Variants in BCAS1 observed in about 807,000 individuals in gnomAD.
The protein encoded by BCAS1 is brain enriched myelin associated protein 1.
A neutral mutation model predicts 65.4 loss-of-function variants in BCAS1; 46 were observed. That is an observed-to-expected ratio of 0.70 (90% CI 0.55 to 0.90). BCAS1 has a LOEUF of 0.90. Ranked by LOEUF, BCAS1 falls within the 40% of genes least tolerant of loss-of-function variation. The probability of loss-of-function intolerance (pLI) is 0.00; values close to 1 mark genes in which losing one functional copy is unlikely to be tolerated. For synonymous variants in BCAS1, 298 were observed against 293.5 expected, an observed-to-expected ratio of 1.02 and a Z score of -0.16; for missense variants, 793 against 771.2, an observed-to-expected ratio of 1.03 and a Z score of -0.33.
chr20:54,045,069 A>C (rs537897207), intron 3 of BCAS1, among the ~76,000 whole-genome samples: 1 of 151,912 alleles, frequency 6.6e-6, no homozygotes, highest in African/African-American at 2.4e-5. Context: ...AAAATTAGCC[A>C]GGTGTGGTGG....
Position 53,981,286 on chromosome 20 carries a change from C to T in BCAS1, c.1275+4001G>A, listed in dbSNP as rs1386962551. Among the ~76,000 whole-genome samples the T allele has an allele frequency of 4.6e-5, 7 of 152,244 alleles. No individual in the cohort carries two copies. In the South Asian group the frequency reaches 1.5e-3, roughly 32 times the overall value. ...CATCTTTCAAGTGCTTCCATAATTG[C>T]CCAGACATATGCCCAGACTTTCTTA... On this transcript the variant is annotated intron_variant, in intron 8 of 12. Transcript: ENST00000688948.
intron 7 of BCAS1, among the ~76,000 whole-genome samples, chr20:53,985,778 C>A (rs915038888): frequency 2.0e-5 from 3 of 151,854 alleles, no homozygotes; most frequent in Non-Finnish European, 4.4e-5. Flanking sequence ...GGTAAGAGAC[C>A]CTTTGCTGTT....
At chr20:54,038,544 G>C (rs2091937052) in intron 3 of BCAS1, among the ~76,000 whole-genome samples, 1 of 151,320 alleles carries the variant, frequency 6.6e-6, no homozygotes. Flanking sequence ...GATTGTAACT[G>C]TAGTAGGGCA....
chr20:54,058,290 C>A, intron 2 of BCAS1, 136 bp from the exon 3 acceptor site: 3 of 820,472 alleles, frequency 3.7e-6, no homozygotes, highest in South Asian at 1.6e-5. Flanking sequence ...TAGAAACTCC[C>A]CAGTTTTCTA....
In BCAS1 at chr20:54,028,407, A is replaced by G; in HGVS notation, c.708T>C (p.Asp236=). ...EVPGLSGQSD[D]VPAGKDIVDG... ...GCACACTTACCTTCCCTGCAGGGAC[A>G]TCATCGGACTGCCCTGATAAGCCAG... Residue 236 remains aspartate (D), a synonymous_variant, in exon 4 of 13, where the codon GAT becomes GAC. Coordinates refer to ENST00000688948, the MANE Select transcript of BCAS1 (RefSeq NM_001366298.2). 6.2e-7 allele frequency: 1 copy of G among 1,614,220 alleles called. No homozygotes were observed. The highest frequency in any genetic ancestry group is 2.2e-5 in the East Asian group (1 of 44,890).
intron 10 of BCAS1, among the ~76,000 whole-genome samples, chr20:53,961,880 C>T (rs1353232806): frequency 6.6e-6 from 1 of 152,196 alleles, no homozygotes. Context: ...GTCCTTATGT[C>T]CATCATGGGG....
rs191099916 is a variant in BCAS1, at chr20:53,996,363, C to T, written c.724-313G>A. Among the ~76,000 whole-genome samples, 52 of 149,852 alleles carry T rather than the reference C, an allele frequency of 3.5e-4. 1 individual carries two copies. The East Asian group carries it at 8.7e-3, about 25-fold the overall frequency. ...TCTGCAAAGAAGTTGTGTAAGGTAT[C>T]GATATTTTCCATCTTTATAGTCTCC... is the stretch of plus-strand genomic sequence containing the variant. On this transcript the variant is annotated intron_variant, in intron 4 of 12. Coordinates refer to ENST00000688948, the MANE Select transcript of BCAS1 (RefSeq NM_001366298.2).
intron 1 of BCAS1, among the ~76,000 whole-genome samples, chr20:54,061,307 C>T (rs1396632715): frequency 2.6e-5 from 4 of 152,152 alleles, no homozygotes; most frequent in African/African-American, 9.7e-5. Context: ...CAAGACCCAC[C>T]AAGGGCAAAC....
intron 9 of BCAS1, among the ~76,000 whole-genome samples, chr20:53,973,674 T>C (rs2090244000): frequency 6.6e-6 from 1 of 152,224 alleles, no homozygotes. Context: ...AGAAGTCTTG[T>C]GGAGTCCTCC....
intron 3 of BCAS1, among the ~76,000 whole-genome samples, chr20:54,045,483 A>T (rs2092086039): frequency 6.6e-6 from 1 of 152,228 alleles, no homozygotes; most frequent in African/African-American, 2.4e-5. Context: ...GGGCTAGTTA[A>T]AGTAAATTAA....
chr20:53,967,076 G>C lies in BCAS1; in HGVS notation c.1318-3C>G. On this transcript the variant is annotated splice_region_variant and splice_polypyrimidine_tract_variant and intron_variant, in intron 9 of 12. Coordinates refer to ENST00000688948, the MANE Select transcript of BCAS1 (RefSeq NM_001366298.2). Reference sequence around the variant, plus strand: ...TCTACTGGTGACTCACACACCACCTGGATTATTTTGCCAGGTAATAAGAAA... The same window carrying C: ...TCTACTGGTGACTCACACACCACCTCGATTATTTTGCCAGGTAATAAGAAA... The C allele has an allele frequency of 6.3e-7, 1 of 1,597,866 alleles. No homozygotes were observed. The highest frequency in any genetic ancestry group is 1.2e-5 in the South Asian group (1 of 86,650).
intron 7 of BCAS1, among the ~76,000 whole-genome samples, chr20:53,989,207 A>G (rs73124062): frequency 0.033 from 4,952 of 152,238 alleles, 111 homozygotes; most frequent in Middle Eastern, 0.11. Flanking sequence ...ATACTGAGAT[A>G]AAGATTGGGA....
intron 2 of BCAS1, 150 bp downstream of exon 2, chr20:54,058,497 C>T (rs2092331100): frequency 2.9e-6 from 4 of 1,388,058 alleles, no homozygotes; most frequent in African/African-American, 1.4e-5. Context: ...ATTCTGACAC[C>T]TTTTAGGTTA....
chr20:54,038,642 CA>C (rs1484895235), intron 3 of BCAS1, among the ~76,000 whole-genome samples: 1 of 151,288 alleles, frequency 6.6e-6, no homozygotes, highest in African/African-American at 2.4e-5. Context: ...ATACATTATC[CA>C]AATCCTCCAA....
At chr20:54,045,986 T>C (rs2092096704) in intron 3 of BCAS1, among the ~76,000 whole-genome samples, 2 of 152,068 alleles carry the variant, frequency 1.3e-5, no homozygotes, top group African/African-American at 4.8e-5. Context: ...GTAGGGAAGA[T>C]GTGAGATGAG....
intron 8 of BCAS1, among the ~76,000 whole-genome samples, chr20:53,981,439 G>A (rs565633370): frequency 3.9e-5 from 6 of 151,926 alleles, no homozygotes; most frequent in Admixed American, 6.6e-5. Context: ...CTAAACAACC[G>A]TAGCATTTGT....
At chr20:54,062,543 G>C (rs554322245) in intron 1 of BCAS1, among the ~76,000 whole-genome samples, 2 of 152,254 alleles carry the variant, frequency 1.3e-5, no homozygotes, top group East Asian at 1.9e-4. Flanking sequence ...TTAACAGTAG[G>C]ATTACAAGCT....
At chr20:53,991,291 A>G (rs1269783465) in intron 7 of BCAS1, among the ~76,000 whole-genome samples, 3 of 152,132 alleles carry the variant, frequency 2.0e-5, no homozygotes, top group Non-Finnish European at 4.4e-5. Flanking sequence ...CCCCGTTGCA[A>G]TATTTATCAT....
At chr20:54,029,290 C>G in intron 3 of BCAS1, 1 of 952,050 alleles carries the variant, frequency 1.1e-6, no homozygotes, top group Non-Finnish European at 1.3e-6. Flanking sequence ...AGCATATTGT[C>G]ATGATGTCAA....
Sources: allele counts gnomAD v4.1 joint callset (sites outside exome capture counted in the v4.1 genomes callset), GRCh38; gene constraint gnomAD v4.1.1; transcripts MANE v1.5; gene names NCBI Gene and HGNC (gene_info 2026-07-23, HGNC 2026-07-21).